Variants in PRKG1 observed in about 807,000 individuals in gnomAD.
The protein encoded by PRKG1 is cGMP-dependent protein kinase 1.
PRKG1 carries 35 observed loss-of-function variants against 88.1 expected under a neutral mutation model. The ratio of observed to expected loss-of-function variants is 0.40; its 90% CI spans 0.30 to 0.53. PRKG1 has a LOEUF of 0.53. Among genes scored for constraint, PRKG1 ranks in the 20% least tolerant of loss-of-function variants. The pLI is 0.59. For synonymous variants in PRKG1, 303 were observed against 292.5 expected (o/e 1.04, Z -0.37); for missense variants, 540 against 839.8 (o/e 0.64, Z 4.41).
intron 2 of PRKG1, among the ~76,000 whole-genome samples, chr10:51,233,028 A>G (rs2132112028): frequency 6.6e-6 from 1 of 152,364 alleles, no homozygotes; most frequent in African/African-American, 2.4e-5. Flanking sequence ...ACTGCAGTGC[A>G]GTGTACAAAA....
rs1392867098 is a variant in PRKG1 at position 52,052,632 on chromosome 10, C to CA, written c.763-1852_763-1851insA. 9.2e-5 allele frequency among the ~76,000 whole-genome samples: 14 copies of CA among 152,108 alleles called. No individual in the cohort carries two copies. In the East Asian group the frequency reaches 2.5e-3, roughly 27 times the overall value. ...CAATCATGGCAGAAGGCAAAAGGCA[C>CA]TCTTACATGGTGGCAGACAAGACAC... On this transcript the variant is annotated intron_variant, in intron 5 of 17. Transcript: ENST00000373980.
intron 4 of PRKG1, among the ~76,000 whole-genome samples, chr10:51,899,671 G>GTGTATATATATATATATATATATA (rs1554853515): frequency 8.3e-6 from 1 of 120,408 alleles, no homozygotes; most frequent in Non-Finnish European, 1.7e-5. Context: ...AAAGAAAAAT[G>GTGTATATATATATATATATATATA]TATATATATA....
chr10:51,944,062 C>G (rs57195812), intron 5 of PRKG1, among the ~76,000 whole-genome samples: 1 of 151,818 alleles, frequency 6.6e-6, no homozygotes, highest in African/African-American at 2.4e-5. Flanking sequence ...TGGTAGAATT[C>G]GGCTGTGAAT....
At chr10:51,701,063 A>G (rs1462535159) in intron 3 of PRKG1, among the ~76,000 whole-genome samples, 2 of 152,210 alleles carry the variant, frequency 1.3e-5, no homozygotes, top group African/African-American at 2.4e-5. Context: ...TATTTTTTAT[A>G]AGTCGAAATG....
rs560329838 is a variant in PRKG1 at position 51,037,776 on chromosome 10, C to T, written c.266+46132C>T. Among the ~76,000 whole-genome samples, 137 of 146,358 alleles carry T rather than the reference C, an allele frequency of 9.4e-4. 1 individual carries two copies. Among genetic ancestry groups the T allele is most frequent in the Non-Finnish European group, 1.6e-3 (108 of 66,534 alleles). ...CCAGCCTGGGTGACATAGCAAGACT[C>T]GATCTCAAAAAAAAAAAAATTAAAA... On this transcript the variant is annotated intron_variant, in intron 1 of 17. Coordinates refer to the PRKG1 transcript ENST00000401604.
At chr10:52,233,286 G>GA (rs141832713) in intron 9 of PRKG1, among the ~76,000 whole-genome samples, 6,871 of 151,788 alleles carry the variant, frequency 0.045, 246 homozygotes, top group South Asian at 0.19. Flanking sequence ...AGTCAAATAT[G>GA]AAAAAAAATC....
intron 1 of PRKG1, among the ~76,000 whole-genome samples, chr10:51,097,476 G>A (rs12265235): frequency 0.077 from 11,679 of 152,112 alleles, 1,426 homozygotes; most frequent in African/African-American, 0.26. Flanking sequence ...ACCCACCTTG[G>A]CTTCCCGAAG....
At chr10:52,241,404 C>A (rs544842702) in intron 9 of PRKG1, among the ~76,000 whole-genome samples, 4 of 152,266 alleles carry the variant, frequency 2.6e-5, no homozygotes, top group African/African-American at 9.6e-5. Context: ...ATGTCCAATG[C>A]AAACCCTTCG....
intron 2 of PRKG1, among the ~76,000 whole-genome samples, chr10:51,164,519 T>A (rs916304255): frequency 4.6e-5 from 7 of 152,156 alleles, no homozygotes; most frequent in African/African-American, 1.7e-4. Context: ...ACGCAGCTCC[T>A]CACCAGCAAC....
chr10:51,278,793 G>C (rs1282429143), intron 2 of PRKG1, among the ~76,000 whole-genome samples: 4 of 152,040 alleles, frequency 2.6e-5, no homozygotes, highest in Non-Finnish European at 5.9e-5. Context: ...TGGGATCAGT[G>C]GTGATATCCC....
chr10:52,257,556 T>C (rs1298075096), intron 10 of PRKG1, among the ~76,000 whole-genome samples: 1 of 139,688 alleles, frequency 7.2e-6, no homozygotes, highest in Non-Finnish European at 1.6e-5. Context: ...CCCACGGTGA[T>C]TTATGCTACA....
chr10:51,552,410 A>G (rs933732591), intron 3 of PRKG1, among the ~76,000 whole-genome samples: 6 of 151,586 alleles, frequency 4.0e-5, no homozygotes, highest in Admixed American at 1.3e-4. Context: ...TTTTCTAGCA[A>G]ACTTTTTCTG....
chr10:51,265,140 T>A (rs1839807714), intron 2 of PRKG1, among the ~76,000 whole-genome samples: 1 of 152,124 alleles, frequency 6.6e-6, no homozygotes, highest in Non-Finnish European at 1.5e-5. Context: ...GCAACATCAG[T>A]GTCAATGAAT....
intron 2 of PRKG1, among the ~76,000 whole-genome samples, chr10:51,400,831 C>T (rs1423143982): frequency 2.0e-5 from 3 of 152,152 alleles, no homozygotes; most frequent in Non-Finnish European, 4.4e-5. Flanking sequence ...TCTTCAATGA[C>T]TTTCCTCAGG....
intron 2 of PRKG1, among the ~76,000 whole-genome samples, chr10:51,277,657 T>C (rs61852064): frequency 0.14 from 21,298 of 152,232 alleles, 1,603 homozygotes; most frequent in East Asian, 0.19. Context: ...TAGTTCTCCT[T>C]GAAGAGGTCC....
chr10:52,290,303 T>G lies in PRKG1; in HGVS notation c.1962+13T>G. The G allele has an allele frequency of 6.3e-7, 1 of 1,590,542 alleles. No individual in the cohort carries two copies. The highest frequency in any genetic ancestry group is 8.6e-7 in the Non-Finnish European group (1 of 1,161,058). On this transcript the variant is annotated intron_variant, in intron 17 of 17. Coordinates refer to ENST00000373980, the MANE Select transcript of PRKG1 (RefSeq NM_006258.4). ...TATAATACCAAGTGTAAGTAGACTTTCCAGCTTATAATTGTGTGACATAAT... is the reference window on the plus strand; with the variant it reads ...TATAATACCAAGTGTAAGTAGACTTGCCAGCTTATAATTGTGTGACATAAT...
chr10:51,287,209 G>T (rs1422787843), intron 2 of PRKG1, among the ~76,000 whole-genome samples: 3 of 152,076 alleles, frequency 2.0e-5, no homozygotes, highest in Non-Finnish European at 2.9e-5. Flanking sequence ...TCTTTACAAG[G>T]TCTGGATTCC....
chr10:51,198,610 C>T (rs1837833938), intron 2 of PRKG1, among the ~76,000 whole-genome samples: 1 of 152,184 alleles, frequency 6.6e-6, no homozygotes. Context: ...TTAAAGCATT[C>T]ATGGAGGAAG....
intron 1 of PRKG1, among the ~76,000 whole-genome samples, chr10:51,079,679 TTGTGTGTGTG>T (rs56746938): frequency 6.7e-6 from 1 of 150,182 alleles, no homozygotes. Context: ...TAAGGCTCAT[TTGTGTGTGTG>T]TGTGTGTGTG....
Sources: gnomAD v4.1 joint callset for allele counts (sites outside exome capture counted in the v4.1 genomes callset) on GRCh38, gnomAD v4.1.1 for gene constraint, MANE v1.5 for transcripts, NCBI Gene and HGNC (gene_info 2026-07-23, HGNC 2026-07-21) for gene names.